The following PDE6C variants were observed in gnomAD, a reference collection of about 807,000 sequenced individuals.
PDE6C encodes the protein phosphodiesterase 6C.
Under a neutral mutation model 113.1 loss-of-function variants are expected in PDE6C, and 75 were observed. The ratio of observed to expected loss-of-function variants is 0.66; its 90% CI spans 0.55 to 0.80. The LOEUF (loss-of-function observed/expected upper bound fraction) is 0.80. Ranked by LOEUF, PDE6C falls within the 30% of genes least tolerant of loss-of-function variation. PDE6C has a pLI of 0.00. For synonymous variants in PDE6C, 375 were observed against 363.7 expected (o/e 1.03, Z -0.35); for missense variants, 912 against 1,038.6 (o/e 0.88, Z 1.67).
intron 18 of PDE6C, among the ~76,000 whole-genome samples, chr10:93,659,975 G>A (rs1362305217): frequency 6.6e-6 from 1 of 152,150 alleles, no homozygotes; most frequent in East Asian, 1.9e-4. Flanking sequence ...CCCACCTTGG[G>A]GAGGCACTAG....
At chr10:93,659,792 T>C (rs1048741990) in intron 18 of PDE6C, among the ~76,000 whole-genome samples, 3 of 152,216 alleles carry the variant, frequency 2.0e-5, no homozygotes, top group Admixed American at 6.5e-5. Flanking sequence ...TGTGGGGACA[T>C]AGCCAAACTA....
intron 15 of PDE6C, among the ~76,000 whole-genome samples, chr10:93,647,912 T>G (rs1380016297): frequency 6.6e-6 from 1 of 152,252 alleles, no homozygotes; most frequent in African/African-American, 2.4e-5. Flanking sequence ...CCTAATTTGT[T>G]ATAAGTCTTT....
chr10:93,618,827 G>A (rs1320230931), intron 1 of PDE6C, among the ~76,000 whole-genome samples: 1 of 152,172 alleles, frequency 6.6e-6, no homozygotes, highest in African/African-American at 2.4e-5. Context: ...GTTCCCTGGT[G>A]GAAACTCTGG....
intron 1 of PDE6C, among the ~76,000 whole-genome samples, chr10:93,617,423 A>C (rs1440559144): frequency 1.3e-5 from 2 of 152,224 alleles, no homozygotes; most frequent in Non-Finnish European, 2.9e-5. Flanking sequence ...CCTTGTGTTT[A>C]GAATCTGGAA....
intron 16 of PDE6C, among the ~76,000 whole-genome samples, chr10:93,656,841 T>C (rs1039451746): frequency 1.7e-4 from 26 of 152,226 alleles, no homozygotes; most frequent in African/African-American, 6.0e-4. Context: ...AGTGCTGGGA[T>C]TACAGGTGTG....
chr10:93,664,972 G>T lies in PDE6C; in HGVS notation c.2519-388G>T, dbSNP rs561172848. Among the ~76,000 whole-genome samples the T allele has an allele frequency of 5.3e-5, 8 of 152,242 alleles. No homozygotes were observed. The South Asian group carries it at 1.0e-3, about 20-fold the overall frequency. On this transcript the variant is annotated intron_variant, in intron 21 of 21. Coordinates refer to ENST00000371447, the MANE Select transcript of PDE6C (RefSeq NM_006204.4). ...CAACCTGTGCCTCCCAGATTCAAGC[G>T]ATTCTCCCACCTCAGCCTCCTGAGT...
In PDE6C at chr10:93,654,810, CTTTTT is replaced by C. The variant is rs57025205; in HGVS notation, c.1936-939_1936-935del. Among the ~76,000 whole-genome samples the C allele has an allele frequency of 3.2e-4, 25 of 77,098 alleles. 1 individual carries two copies. In the East Asian group the frequency reaches 8.0e-3, roughly 25 times the overall value. The allele number at this position is 77,098 out of a possible 152,430, so 50.6% of individuals were successfully genotyped here. ...TCTTTCTTTCTTTCTTTCTTTCTTT[CTTTTT>C]TTTTTTTTTTGAAACAGGGTCTCTC... On this transcript the variant is annotated intron_variant, in intron 15 of 21. Coordinates refer to ENST00000371447, the MANE Select transcript of PDE6C (RefSeq NM_006204.4).
chr10:93,618,001 G>C (rs142189788), intron 1 of PDE6C, among the ~76,000 whole-genome samples: 1 of 152,024 alleles, frequency 6.6e-6, no homozygotes, highest in Non-Finnish European at 1.5e-5. Flanking sequence ...AGATGCTATG[G>C]GGAACCAGAG....
chr10:93,617,165 A>G (rs112224856), intron 1 of PDE6C, among the ~76,000 whole-genome samples: 4 of 152,278 alleles, frequency 2.6e-5, no homozygotes, highest in African/African-American at 9.6e-5. Context: ...GCTCTAAACA[A>G]TGTTCTCCAG....
At chr10:93,663,311 CA>C (rs2058674965) in intron 21 of PDE6C, 133 bp downstream of exon 21, 2 of 885,032 alleles carry the variant, frequency 2.3e-6, no homozygotes, top group Non-Finnish European at 3.6e-6. Context: ...ATCATTTTAA[CA>C]GGCCGATTAG....
At chr10:93,661,999 T>C in intron 18 of PDE6C, 60 bp from the exon 19 acceptor site, 42 of 1,027,076 alleles carry the variant, frequency 4.1e-5, no homozygotes, top group Non-Finnish European at 6.4e-5. Context: ...CTTGTACTAA[T>C]AAAATGCAAG....
intron 16 of PDE6C, among the ~76,000 whole-genome samples, chr10:93,658,122 A>T (rs1358535625): frequency 7.1e-6 from 1 of 141,546 alleles, no homozygotes; most frequent in African/African-American, 2.6e-5. Flanking sequence ...GTGAGCTAGG[A>T]TCAAGCTATT....
intron 12 of PDE6C, 79 bp downstream of exon 12, chr10:93,640,295 GACTCA>G: frequency 1.4e-6 from 2 of 1,422,928 alleles, no homozygotes; most frequent in Non-Finnish European, 2.0e-6. Context: ...TCAAAAGATG[GACTCA>G]GTTTGAATTT....
intron 9 of PDE6C, 116 bp downstream of exon 9, chr10:93,635,023 C>A: frequency 9.5e-7 from 1 of 1,052,318 alleles, no homozygotes; most frequent in Non-Finnish European, 1.4e-6. Flanking sequence ...ATGAGTCACA[C>A]ATAGCTGTAA....
At chr10:93,627,281 A>AAAAAAC (rs1334836424) in intron 7 of PDE6C, among the ~76,000 whole-genome samples, 3 of 151,424 alleles carry the variant, frequency 2.0e-5, no homozygotes, top group Non-Finnish European at 4.4e-5. Flanking sequence ...AAAAAAAAAA[A>AAAAAAC]AGCTAGATGA....
chr10:93,633,058 A>T (rs2058509387), intron 8 of PDE6C, among the ~76,000 whole-genome samples: 1 of 152,174 alleles, frequency 6.6e-6, no homozygotes, highest in South Asian at 2.1e-4. Context: ...AAGAACAAAT[A>T]ATGTGGTGTG....
chr10:93,620,295 T>C (rs1407659096), intron 1 of PDE6C, among the ~76,000 whole-genome samples: 1 of 152,208 alleles, frequency 6.6e-6, no homozygotes, highest in Admixed American at 6.5e-5. Flanking sequence ...TGCATGTACT[T>C]GCTGTCTATT....
chr10:93,638,675 A>G (rs2058545244), intron 11 of PDE6C, among the ~76,000 whole-genome samples: 1 of 152,214 alleles, frequency 6.6e-6, no homozygotes, highest in Non-Finnish European at 1.5e-5. Context: ...AAATTGAGGA[A>G]CGTAACAAAT....
chr10:93,626,517 A>G, intron 5 of PDE6C, 123 bp from the exon 6 acceptor site: 1 of 657,176 alleles, frequency 1.5e-6, no homozygotes. Context: ...AATTTATGTT[A>G]TAATATAATG....
Sources: allele counts gnomAD v4.1 joint callset (sites outside exome capture counted in the v4.1 genomes callset), GRCh38; gene constraint gnomAD v4.1.1; transcripts MANE v1.5; gene names NCBI Gene and HGNC (gene_info 2026-07-23, HGNC 2026-07-21).